BCL2L13: variants seen among roughly 807,000 people sequenced by gnomAD.
BCL2L13 encodes BCL2 like 13.
Under a neutral mutation model 25.8 loss-of-function variants are expected in BCL2L13, and 13 were observed. The observed-to-expected ratio is 0.50, with a 90% confidence interval of 0.33 to 0.80. The LOEUF is 0.80. Ranked by LOEUF, BCL2L13 falls within the 30% of genes least tolerant of loss-of-function variation. The probability of loss-of-function intolerance (pLI) is 0.02; values close to 1 mark genes in which losing one functional copy is unlikely to be tolerated. For synonymous variants in BCL2L13, 244 were observed against 230.3 expected (o/e 1.06, Z -0.54); for missense variants, 504 against 574.9 (o/e 0.88, Z 1.26).
Position 17,702,369 on chromosome 22 carries a change from A to G in BCL2L13, c.583A>G (p.Ile195Val), listed in dbSNP as rs745453430. Reference protein sequence around the residue: ...YLEDYSAEYIIQQGGWGTVFS... With the variant: ...YLEDYSAEYIVQQGGWGTVFS... The stretch of plus-strand genomic sequence containing the variant: ...GGAGGACTATTCGGCAGAGTACATC[A>G]TTCAGCAAGGTGGCTGGGTATGAGC... The change falls in exon 6 of 7, where the codon ATT becomes GTT. Residue 195 changes from isoleucine (I) to valine (V), a missense_variant. Transcript: ENST00000317582. The G allele has an allele frequency of 1.3e-6, 2 of 1,598,266 alleles. No individual in the cohort carries two copies. The highest frequency in any genetic ancestry group is 1.7e-6 in the Non-Finnish European group (2 of 1,173,464).
intron 2 of BCL2L13, among the ~76,000 whole-genome samples, chr22:17,680,100 GC>G (rs1175093638): frequency 6.6e-6 from 1 of 151,762 alleles, no homozygotes; most frequent in Non-Finnish European, 1.5e-5. Context: ...TGTAATTCCA[GC>G]TACTCGGGAG....
At chr22:17,665,274 T>C (rs2059200395) in intron 2 of BCL2L13, among the ~76,000 whole-genome samples, 1 of 152,134 alleles carries the variant, frequency 6.6e-6, no homozygotes, top group Non-Finnish European at 1.5e-5. Flanking sequence ...TTGTTCCAGT[T>C]CCCAATAAGT....
intron 6 of BCL2L13, among the ~76,000 whole-genome samples, chr22:17,721,878 T>C (rs1429284648): frequency 6.6e-6 from 1 of 152,094 alleles, no homozygotes; most frequent in Non-Finnish European, 1.5e-5. Flanking sequence ...GCCAGGATGG[T>C]CTCGATCTCC....
rs1167320567 is a variant in BCL2L13 at position 17,693,368 on chromosome 22, GTTTGTTTTT to G, written c.387-2769_387-2761del. Among the ~76,000 whole-genome samples, 897 of 112,212 alleles carry G rather than the reference GTTTGTTTTT, an allele frequency of 8.0e-3. 20 individuals carry two copies. Among genetic ancestry groups the G allele is most frequent in the Non-Finnish European group, 0.011 (613 of 58,342 alleles). The allele number at this position is 112,212 out of a possible 152,430, so 73.6% of individuals were successfully genotyped here. Reference sequence around the variant, plus strand: ...TTATTTATTTATTTATTTATTTAGTGTTTGTTTTTTTTTTTTTTTTTTTTTTTTGGAGAC... The same window carrying G: ...TTATTTATTTATTTATTTATTTAGTGTTTTTTTTTTTTTTTTTTTGGAGAC... On this transcript the variant is annotated intron_variant, in intron 4 of 6. Coordinates refer to ENST00000317582, the MANE Select transcript of BCL2L13 (RefSeq NM_015367.4).
At chr22:17,637,441 C>T (rs1007830978), upstream of BCL2L13, among the ~76,000 whole-genome samples, 6 of 150,398 alleles carry the variant, frequency 4.0e-5, no homozygotes, top group African/African-American at 1.5e-4. Context: ...TTTTTGGTTA[C>T]CCATTTCACT....
At chr22:17,724,747 C>T (rs2061247557) in intron 6 of BCL2L13, among the ~76,000 whole-genome samples, 1 of 152,176 alleles carries the variant, frequency 6.6e-6, no homozygotes, top group Non-Finnish European at 1.5e-5. Flanking sequence ...TTTACATATT[C>T]CATTCAGATT....
At chr22:17,710,848 G>T (rs2060735590) in intron 6 of BCL2L13, among the ~76,000 whole-genome samples, 1 of 151,912 alleles carries the variant, frequency 6.6e-6, no homozygotes, top group South Asian at 2.1e-4. Context: ...CTGCACTCTA[G>T]GCTGGGCGAC....
chr22:17,646,932 C>CAT (rs1170982043), intron 1 of BCL2L13, among the ~76,000 whole-genome samples: 770 of 32,222 alleles, frequency 0.024, 35 homozygotes, highest in Middle Eastern at 0.045. Flanking sequence ...GTATAAACTA[C>CAT]ATATATATAT....
intron 1 of BCL2L13, among the ~76,000 whole-genome samples, chr22:17,632,749 CTTCTTTTTTT>C (rs2058050534): frequency 7.0e-6 from 1 of 143,524 alleles, no homozygotes; most frequent in Non-Finnish European, 1.5e-5. Flanking sequence ...TATGATTCTT[CTTCTTTTTTT>C]TTTTTTTTTT....
chr22:17,638,656 T>G (rs908510943), upstream of BCL2L13: 8 of 1,230,764 alleles, frequency 6.5e-6, no homozygotes, highest in Non-Finnish European at 8.1e-6. Flanking sequence ...CTCCGGGGCC[T>G]CCGTTGGTCG....
rs2061190658 is a variant in BCL2L13 at position 17,723,026 on chromosome 22, C to T, written c.601-3651C>T. Among the ~76,000 whole-genome samples the T allele has an allele frequency of 7.2e-5, 11 of 152,180 alleles. No homozygotes were observed. In the South Asian group the frequency reaches 2.3e-3, roughly 32 times the overall value. On this transcript the variant is annotated intron_variant, in intron 6 of 6. Coordinates refer to ENST00000317582, the MANE Select transcript of BCL2L13 (RefSeq NM_015367.4). ...GAGGGTATTGAAGACTGTTTGAAAT[C>T]CTTCTGTATTAAAAATGATGCTAAT...
At chr22:17,636,037 T>C (rs1219008728), upstream of BCL2L13, among the ~76,000 whole-genome samples, 1 of 148,118 alleles carries the variant, frequency 6.8e-6, no homozygotes, top group Admixed American at 6.7e-5. Flanking sequence ...AAAGTAGCCA[T>C]GTGTGGCCTG....
chr22:17,697,197 G>C (rs1261547244), intron 5 of BCL2L13, among the ~76,000 whole-genome samples: 1 of 151,800 alleles, frequency 6.6e-6, no homozygotes, highest in African/African-American at 2.4e-5. Flanking sequence ...CCATCACTTT[G>C]GGAGGCCGAG....
chr22:17,683,927 T>A (rs2059832214), intron 3 of BCL2L13, among the ~76,000 whole-genome samples: 1 of 151,358 alleles, frequency 6.6e-6, no homozygotes, highest in African/African-American at 2.4e-5. Flanking sequence ...CAGGCTGGAG[T>A]GCAGTAGTGA....
intron 2 of BCL2L13, among the ~76,000 whole-genome samples, chr22:17,674,399 G>A (rs2059511976): frequency 6.6e-6 from 1 of 152,044 alleles, no homozygotes; most frequent in Non-Finnish European, 1.5e-5. Context: ...AAGGTCAGGA[G>A]TTCAAGACCA....
chr22:17,724,332 A>G (rs969037087), intron 6 of BCL2L13, among the ~76,000 whole-genome samples: 1 of 152,306 alleles, frequency 6.6e-6, no homozygotes, highest in Middle Eastern at 3.4e-3. Context: ...TTGTGAAGAA[A>G]TTGAAGTCTA....
chr22:17,667,667 C>T (rs1297555722), intron 2 of BCL2L13, among the ~76,000 whole-genome samples: 1 of 151,544 alleles, frequency 6.6e-6, no homozygotes, highest in South Asian at 2.1e-4. Context: ...TGCCACCATA[C>T]CTGGCTAATT....
chr22:17,693,375 T>TGG lies in BCL2L13; in HGVS notation c.387-2766_387-2765insGG, dbSNP rs372502658. 9.9e-4 allele frequency among the ~76,000 whole-genome samples: 30 copies of TGG among 30,386 alleles called. 1 individual carries two copies. The East Asian group carries it at 0.019, about 19-fold the overall frequency. The allele number at this position is 30,386 out of a possible 152,430, so 19.9% of individuals were successfully genotyped here. A position where few individuals can be genotyped will look rare whatever the true frequency, so the allele number is the denominator to read the frequency against. On this transcript the variant is annotated intron_variant, in intron 4 of 6. Coordinates refer to ENST00000317582, the MANE Select transcript of BCL2L13 (RefSeq NM_015367.4). Reference sequence around the variant, plus strand: ...TTTATTTATTTATTTAGTGTTTGTTTTTTTTTTTTTTTTTTTTTTTTGGAG... The same window carrying TGG: ...TTTATTTATTTATTTAGTGTTTGTTTGGTTTTTTTTTTTTTTTTTTTTTGGAG...
intron 5 of BCL2L13, among the ~76,000 whole-genome samples, chr22:17,696,994 C>A (rs1331962477): frequency 6.6e-6 from 1 of 152,058 alleles, no homozygotes; most frequent in African/African-American, 2.4e-5. Flanking sequence ...TTTATAGACA[C>A]CTACCTCTAT....
Sources: gnomAD v4.1 joint callset for allele counts (sites outside exome capture counted in the v4.1 genomes callset) on GRCh38, gnomAD v4.1.1 for gene constraint, MANE v1.5 for transcripts, NCBI Gene and HGNC (gene_info 2026-07-23, HGNC 2026-07-21) for gene names.